Variants in CCDC170 observed in about 807,000 individuals in gnomAD.
CCDC170 encodes coiled-coil domain-containing protein 170.
Under a neutral mutation model 72.6 loss-of-function variants are expected in CCDC170, and 69 were observed. That is an observed-to-expected ratio of 0.95 (90% CI 0.78 to 1.16). The LOEUF (loss-of-function observed/expected upper bound fraction) is 1.16, where lower values mean the gene tolerates loss of function less well. CCDC170 is among the 50% of genes most tolerant of loss of function. The pLI, the probability that CCDC170 is intolerant of heterozygous loss-of-function variation, is 0.00. For synonymous variants in CCDC170, 300 were observed against 303.9 expected (o/e 0.99, Z 0.13); for missense variants, 852 against 832.5 (o/e 1.02, Z -0.29).
At chr6:151,502,550 T>C (rs1193995055) in intron 1 of CCDC170, among the ~76,000 whole-genome samples, 1 of 152,224 alleles carries the variant, frequency 6.6e-6, no homozygotes, top group Non-Finnish European at 1.5e-5. Context: ...ATTTTAAGAC[T>C]TGACTATAAT....
At chr6:151,494,721 C>G (rs1781884551) in intron 1 of CCDC170, among the ~76,000 whole-genome samples, 1 of 152,136 alleles carries the variant, frequency 6.6e-6, no homozygotes, top group Non-Finnish European at 1.5e-5. Context: ...TTAGATGTAC[C>G]AATGCGCGCG....
intron 5 of CCDC170, among the ~76,000 whole-genome samples, chr6:151,552,253 T>TAGGCAAATTCTATTAGAAGGCAA (rs1554222210): frequency 3.3e-5 from 5 of 152,212 alleles, no homozygotes; most frequent in African/African-American, 1.2e-4. Flanking sequence ...CAAATAATGT[T>TAGGCAAATTCTATTAGAAGGCAA]AGAGTGTTCC....
At chr6:151,616,026 AT>A (rs1215012979) in intron 10 of CCDC170, 1 of 218,182 alleles carries the variant, frequency 4.6e-6, no homozygotes, top group African/African-American at 2.4e-5. Flanking sequence ...CATGGCACAA[AT>A]TGTAGGAAAG....
At chr6:151,516,087 A>G (rs61436491) in intron 1 of CCDC170, among the ~76,000 whole-genome samples, 10,029 of 151,814 alleles carry the variant, frequency 0.066, 526 homozygotes, top group East Asian at 0.21. Flanking sequence ...AAAAGAAAAG[A>G]CAAATATATT....
chr6:151,567,495 G>C (rs112203898), intron 5 of CCDC170, among the ~76,000 whole-genome samples: 111 of 152,164 alleles, frequency 7.3e-4, no homozygotes, highest in Non-Finnish European at 1.1e-3. Context: ...GCCTCCCAAA[G>C]TGCTGGAATT....
At chr6:151,573,706 A>T (rs192383009) in intron 6 of CCDC170, among the ~76,000 whole-genome samples, 1 of 152,204 alleles carries the variant, frequency 6.6e-6, no homozygotes, top group African/African-American at 2.4e-5. Context: ...GCAAAGGCAC[A>T]TCTTACGTGG....
chr6:151,562,735 A>T (rs1328139458), intron 5 of CCDC170, among the ~76,000 whole-genome samples: 1 of 152,162 alleles, frequency 6.6e-6, no homozygotes, highest in Admixed American at 6.5e-5. Context: ...ACTGCAGTCC[A>T]GTAAATGGTG....
intron 7 of CCDC170, among the ~76,000 whole-genome samples, chr6:151,592,695 G>A (rs537134409): frequency 1.3e-5 from 2 of 152,290 alleles, no homozygotes; most frequent in South Asian, 4.2e-4. Flanking sequence ...AATTCAGGAT[G>A]AGATATGAGT....
intron 7 of CCDC170, among the ~76,000 whole-genome samples, chr6:151,590,715 C>A (rs1209334610): frequency 6.6e-6 from 1 of 152,122 alleles, no homozygotes; most frequent in Non-Finnish European, 1.5e-5. Flanking sequence ...GAGACAAAAT[C>A]CTTGAAATAG....
At chr6:151,584,985 C>T (rs562484589) in intron 6 of CCDC170, among the ~76,000 whole-genome samples, 3 of 152,150 alleles carry the variant, frequency 2.0e-5, no homozygotes, top group African/African-American at 7.2e-5. Flanking sequence ...CCAAAATAAA[C>T]CATCGAAAGA....
chr6:151,611,721 G>GT (rs929985019), intron 9 of CCDC170, among the ~76,000 whole-genome samples: 24 of 151,950 alleles, frequency 1.6e-4, no homozygotes, highest in African/African-American at 4.6e-4. Flanking sequence ...TTTTGTTTTT[G>GT]TTTTTTTGCG....
chr6:151,516,822 C>A (rs1782242719), intron 1 of CCDC170, among the ~76,000 whole-genome samples: 2 of 152,142 alleles, frequency 1.3e-5, no homozygotes, highest in African/African-American at 4.8e-5. Context: ...GGTGGTCCCA[C>A]CCTAATCTTA....
chr6:151,566,195 A>C (rs1776134645), intron 5 of CCDC170, among the ~76,000 whole-genome samples: 1 of 152,226 alleles, frequency 6.6e-6, no homozygotes, highest in Admixed American at 6.5e-5. Context: ...TTTTGAAGTA[A>C]AGTGTTTCTC....
chr6:151,514,781 G>A lies in CCDC170; in HGVS notation c.57+20596G>A, dbSNP rs963385914. Among the ~76,000 whole-genome samples the A allele has an allele frequency of 2.0e-5, 3 of 152,152 alleles. No individual in the cohort carries two copies. In the East Asian group the frequency reaches 5.8e-4, roughly 29 times the overall value. ...TTTGTGGCAGCACAAAGGTTAGGTC[G>A]GCACAAAGTGAGTCGGAAGGGAGAG... is the stretch of plus-strand genomic sequence containing the variant. On this transcript the variant is annotated intron_variant, in intron 1 of 10. Coordinates refer to ENST00000239374, the MANE Select transcript of CCDC170 (RefSeq NM_025059.4).
At chr6:151,561,385 T>C (rs1776028497) in intron 5 of CCDC170, among the ~76,000 whole-genome samples, 2 of 152,162 alleles carry the variant, frequency 1.3e-5, no homozygotes. Context: ...TAGAACTCCT[T>C]TGAGCATTTC....
At chr6:151,607,510 T>C (rs1776803869) in intron 9 of CCDC170, among the ~76,000 whole-genome samples, 1 of 152,224 alleles carries the variant, frequency 6.6e-6, no homozygotes, top group Non-Finnish European at 1.5e-5. Context: ...AATATCTTTT[T>C]GCTTCTAGAT....
chr6:151,591,103 T>C (rs544771971), intron 7 of CCDC170, among the ~76,000 whole-genome samples: 28 of 152,344 alleles, frequency 1.8e-4, no homozygotes, highest in African/African-American at 6.7e-4. Context: ...TTGGAAAATA[T>C]ACACTTATAA....
At chr6:151,594,948 G>T (rs1162429042) in intron 8 of CCDC170, among the ~76,000 whole-genome samples, 1 of 152,184 alleles carries the variant, frequency 6.6e-6, no homozygotes, top group Non-Finnish European at 1.5e-5. Context: ...ACCATGCCCA[G>T]CCTGGAGTGG....
intron 5 of CCDC170, among the ~76,000 whole-genome samples, chr6:151,563,830 TG>T (rs1014092260): frequency 6.6e-6 from 1 of 152,178 alleles, no homozygotes; most frequent in African/African-American, 2.4e-5. Context: ...ACCCTTTCTG[TG>T]GGGCTCTGAG....
Sources: allele counts gnomAD v4.1 joint callset (sites outside exome capture counted in the v4.1 genomes callset), GRCh38; gene constraint gnomAD v4.1.1; transcripts MANE v1.5; gene names NCBI Gene and HGNC (gene_info 2026-07-23, HGNC 2026-07-21).